Variants in POU3F3 observed in about 807,000 individuals in gnomAD.
POU3F3 encodes the protein POU class 3 homeobox 3.
POU3F3 carries 1 observed loss-of-function variant against 8.6 expected under a neutral mutation model. The ratio of observed to expected loss-of-function variants is 0.12; its 90% CI spans 0.04 to 0.55. The LOEUF is 0.55. Ranked by LOEUF, POU3F3 falls within the 20% of genes least tolerant of loss-of-function variation. The probability of loss-of-function intolerance (pLI) is 0.91; values close to 1 mark genes in which losing one functional copy is unlikely to be tolerated. For missense variants in POU3F3, 577 were observed against 690.7 expected (o/e 0.84, Z 1.84); for synonymous variants, 418 against 327.4 (o/e 1.28, Z -2.99).
At chr2:104,916,022 G>T in the POU3F3 span, among the ~76,000 whole-genome samples, 1 of 128,508 alleles carries the variant, frequency 7.8e-6, no homozygotes, top group African/African-American at 2.8e-5. Context: ...GCCCCTCATA[G>T]AAAATAAAAC....
chr2:104,888,516 G>T, the POU3F3 span, among the ~76,000 whole-genome samples: 1 of 152,144 alleles, frequency 6.6e-6, no homozygotes, highest in African/African-American at 2.4e-5. Context: ...AATCTTGGAA[G>T]GTACCAGCCT....
chr2:104,859,816 T>G (rs1040829911), downstream of POU3F3, among the ~76,000 whole-genome samples: 8 of 152,158 alleles, frequency 5.3e-5, no homozygotes, highest in African/African-American at 1.9e-4. Flanking sequence ...CACAATTTAC[T>G]TTTCTTTGCC....
downstream of POU3F3, among the ~76,000 whole-genome samples, chr2:104,860,752 C>CTTTTTT (rs1178339577): frequency 6.0e-5 from 3 of 50,274 alleles, no homozygotes; most frequent in East Asian, 1.2e-3. Flanking sequence ...GTTGCTCTGC[C>CTTTTTT]TTTTTTTTTT....
At chr2:104,909,187 T>C in the POU3F3 span, among the ~76,000 whole-genome samples, 1 of 152,198 alleles carries the variant, frequency 6.6e-6, no homozygotes, top group Non-Finnish European at 1.5e-5. Context: ...GCTAGTGAAT[T>C]ATGAGGCCAA....
At position 104,856,757 on chromosome 2, in the gene POU3F3, G is replaced by A; in HGVS notation, c.1247G>A (p.Ser416Asn). Reference protein sequence around the residue: ...KRKKRTSIEVSVKGALESHFL... With the variant: ...KRKKRTSIEVNVKGALESHFL... ...AAGAAGCGGACCTCTATCGAGGTGAGCGTCAAGGGCGCGCTGGAGAGCCAC... is the reference window on the plus strand; with the variant it reads ...AAGAAGCGGACCTCTATCGAGGTGAACGTCAAGGGCGCGCTGGAGAGCCAC... Residue 416 changes from serine (S) to asparagine (N), a missense_variant, in exon 1 of 1, where the codon AGC (serine) becomes AAC (asparagine). Ser to Asn is a conservative substitution (Grantham distance 46). Around this residue, in one of 7 missense-constraint regions of POU3F3, gnomAD observed 21 missense variants for 41.9 expected, o/e 0.50. Transcript: ENST00000361360. The A allele has an allele frequency of 6.2e-7, 1 of 1,614,118 alleles. No homozygotes were observed. Among genetic ancestry groups the A allele is most frequent in the East Asian group, 2.2e-5 (1 of 44,852 alleles).
chr2:104,856,222 C>A lies in POU3F3; in HGVS notation c.712C>A (p.Pro238Thr). The A allele has an allele frequency of 1.6e-6, 2 of 1,270,202 alleles. No individual in the cohort carries two copies. Among genetic ancestry groups the A allele is most frequent in the South Asian group, 5.9e-5 (2 of 33,796 alleles). 78.7% of individuals were successfully genotyped at this position (1,270,202 alleles called of 1,614,324 possible). Residue 238 changes from proline (P) to threonine (T), a missense_variant, in exon 1 of 1, where the codon CCG becomes ACG. Transcript: ENST00000361360. ...GGTGAACGGCATGCTGAGCGCGCCA[C>A]CGGGGCCCGGCGGCGGCGGCGGCGG... ...FTVNGMLSAP[P>T]GPGGGGGGAG...
At chr2:104,881,400 A>C in the POU3F3 span, among the ~76,000 whole-genome samples, 1 of 152,084 alleles carries the variant, frequency 6.6e-6, no homozygotes, top group Admixed American at 6.5e-5. Context: ...TCCTGACCTC[A>C]AGCAGTCCTC....
chr2:104,900,876 G>T, the POU3F3 span, among the ~76,000 whole-genome samples: 1 of 152,180 alleles, frequency 6.6e-6, no homozygotes, highest in Non-Finnish European at 1.5e-5. Flanking sequence ...TGAAAAATGG[G>T]CTCGGATGTT....
the POU3F3 span, among the ~76,000 whole-genome samples, chr2:104,875,373 A>G: frequency 2.0e-5 from 3 of 152,192 alleles, no homozygotes; most frequent in East Asian, 3.8e-4. Context: ...TTGCTGAATC[A>G]TAAGGTAATT....
At chr2:104,899,508 G>A in the POU3F3 span, among the ~76,000 whole-genome samples, 2 of 152,172 alleles carry the variant, frequency 1.3e-5, no homozygotes, top group African/African-American at 2.4e-5. Flanking sequence ...GGTTTGTGTG[G>A]GGCTGGATCA....
At chr2:104,873,469 C>A in the POU3F3 span, among the ~76,000 whole-genome samples, 2 of 152,130 alleles carry the variant, frequency 1.3e-5, no homozygotes, top group East Asian at 1.9e-4. Context: ...ACCCGACCCG[C>A]GACGGGGCCA....
the POU3F3 span, among the ~76,000 whole-genome samples, chr2:104,873,103 AT>A: frequency 2.6e-5 from 4 of 152,142 alleles, no homozygotes; most frequent in Non-Finnish European, 5.9e-5. Flanking sequence ...ACACTGAACA[AT>A]TTCCTTGGAG....
the POU3F3 span, chr2:104,925,994 A>C: frequency 1.3e-5 from 2 of 152,262 alleles, no homozygotes; most frequent in Admixed American, 1.3e-4. Context: ...GTGCTGCCGG[A>C]TTTGGTTCTT....
the POU3F3 span, chr2:104,865,716 A>C: frequency 6.6e-6 from 1 of 152,354 alleles, no homozygotes; most frequent in East Asian, 1.9e-4. Context: ...AGGTTTAGAC[A>C]GGGAAACTTC....
chr2:104,877,746 A>G, the POU3F3 span, among the ~76,000 whole-genome samples: 1 of 146,248 alleles, frequency 6.8e-6, no homozygotes, highest in Non-Finnish European at 1.5e-5. Flanking sequence ...GCAACCTCCG[A>G]CTCCCGATTC....
the POU3F3 span, among the ~76,000 whole-genome samples, chr2:104,913,293 C>A: frequency 2.6e-5 from 4 of 152,162 alleles, no homozygotes; most frequent in East Asian, 7.7e-4. Context: ...TCCCAGGGTA[C>A]CATCTGTGGG....
the POU3F3 span, chr2:104,868,321 C>A: frequency 2.2e-6 from 1 of 456,572 alleles, no homozygotes; most frequent in Non-Finnish European, 4.4e-6. Flanking sequence ...GGTGCAAGAA[C>A]AGTGCAGCAG....
chr2:104,901,572 C>G, the POU3F3 span, among the ~76,000 whole-genome samples: 1 of 152,174 alleles, frequency 6.6e-6, no homozygotes, highest in Non-Finnish European at 1.5e-5. Context: ...AAGGTGGAAA[C>G]CAATGCATCA....
At chr2:104,913,586 G>A in the POU3F3 span, among the ~76,000 whole-genome samples, 1 of 152,090 alleles carries the variant, frequency 6.6e-6, no homozygotes, top group South Asian at 2.1e-4. Flanking sequence ...ACAATCAAAG[G>A]CTCTGCTGTG....
Sources: allele counts gnomAD v4.1 joint callset (sites outside exome capture counted in the v4.1 genomes callset), GRCh38; gene constraint gnomAD v4.1.1; regional missense constraint gnomAD v4.1.1; transcripts MANE v1.5; gene names NCBI Gene and HGNC (gene_info 2026-07-23, HGNC 2026-07-21).